Variants in MCL1 observed in about 807,000 individuals in gnomAD.
MCL1 encodes induced myeloid leukemia cell differentiation protein Mcl-1.
A neutral mutation model predicts 24.2 loss-of-function variants in MCL1; 4 were observed. The ratio of observed to expected loss-of-function variants is 0.17; its 90% CI spans 0.08 to 0.38. The LOEUF is 0.38. MCL1 is among the 10% of genes least tolerant of loss of function. The pLI is 1.00. For missense variants in MCL1, 529 were observed against 480.3 expected (o/e 1.10, Z -0.95); for synonymous variants, 248 against 214.0 (o/e 1.16, Z -1.39).
intron 2 of MCL1, 66 bp from the exon 3 acceptor site, chr1:150,577,557 C>T: frequency 7.0e-7 from 1 of 1,436,220 alleles, no homozygotes; most frequent in Non-Finnish European, 9.3e-7. Context: ...ACACTACTAT[C>T]CAGAGAGAAG....
In MCL1 at chr1:150,574,574, A is replaced by G. The variant is rs1570977876; in HGVS notation, c.*2801T>C. On this transcript the variant is annotated 3_prime_UTR_variant, in exon 3 of 3. Transcript: ENST00000369026. ...CACCCTGTATTTGAATAAAAGATTT[A>G]TTTTTTTTTCTCAGGAAAAACAGAA... 1.3e-5 allele frequency: 3 copies of G among 225,560 alleles called. No individual in the cohort carries two copies. The highest frequency in any genetic ancestry group is 2.6e-5 in the Non-Finnish European group (3 of 113,330). 14.0% of individuals were successfully genotyped at this position (225,560 alleles called of 1,614,324 possible).
At position 150,578,931 on chromosome 1, in the gene MCL1, G is replaced by A. The variant is rs781025299; in HGVS notation, c.600C>T (p.Gly200=). 4 of 1,613,756 alleles carry A rather than the reference G, an allele frequency of 2.5e-6. No homozygotes were observed. Among genetic ancestry groups the A allele is most frequent in the Non-Finnish European group, 3.4e-6 (4 of 1,180,020 alleles). ...ATGAKDTKPM[G]RSGATSRKAL... ...CCTTCCTGCTGGTGGCCCCAGACCT[G>A]CCCATTGGCTTTGTGTCCTTGGCGC... is the stretch of plus-strand genomic sequence containing the variant. Residue 200 remains glycine, a synonymous_variant, in exon 1 of 3, where the codon GGC becomes GGT. Transcript: ENST00000369026.
rs1248858792 is a variant in MCL1, at chr1:150,575,721, AG to A, written c.*1653del. 5 of 232,990 alleles carry A rather than the reference AG, an allele frequency of 2.1e-5. No homozygotes were observed. Among genetic ancestry groups the A allele is most frequent in the Non-Finnish European group, 3.4e-5 (4 of 118,004 alleles). 14.4% of individuals were successfully genotyped at this position (232,990 alleles called of 1,614,324 possible). ...GTCTGTGGACTCTTGGTGGGGAGGG[AG>A]GGTCACTCAGGTTTCCAGCAGGGGT... On this transcript the variant is annotated 3_prime_UTR_variant, in exon 3 of 3. Transcript: ENST00000369026.
rs1647843861 is a variant in MCL1 at position 150,577,186 on chromosome 1, C to T, written c.*189G>A. ...ACTTTGCTTCTTTCAGACAGTGACT[C>T]TTCAATCAATGGGGAGCACTCTTCC... On this transcript the variant is annotated 3_prime_UTR_variant, in exon 3 of 3. Coordinates refer to ENST00000369026, the MANE Select transcript of MCL1 (RefSeq NM_021960.5). 1.5e-6 allele frequency: 1 copy of T among 652,338 alleles called. No homozygotes were observed. The highest frequency in any genetic ancestry group is 2.5e-6 in the Non-Finnish European group (1 of 400,672). The allele number at this position is 652,338 out of a possible 1,614,324, so 40.4% of individuals were successfully genotyped here.
At chr1:150,578,714 G>T in intron 1 of MCL1, 129 bp downstream of exon 1, 1 of 1,112,990 alleles carries the variant, frequency 9.0e-7, no homozygotes. Flanking sequence ...GAATATTCTG[G>T]CTTCAGGAAT....
Position 150,576,175 on chromosome 1 carries a change from G to A in MCL1, c.*1200C>T, listed in dbSNP as rs1647790921. 8.6e-6 allele frequency: 2 copies of A among 233,118 alleles called. No individual in the cohort carries two copies. The highest frequency in any genetic ancestry group is 1.8e-4 in the South Asian group (1 of 5,522). The allele number at this position is 233,118 out of a possible 1,614,324, so 14.4% of individuals were successfully genotyped here. A position where few individuals can be genotyped will look rare whatever the true frequency, so the allele number is the denominator to read the frequency against. On this transcript the variant is annotated 3_prime_UTR_variant, in exon 3 of 3. Coordinates refer to ENST00000369026, the MANE Select transcript of MCL1 (RefSeq NM_021960.5). Reference sequence around the variant, plus strand: ...CACAGCTAATGAGTTCCATTCAGCTGAAAATCTTTTAGTAAAAGCTTTAAA... The same window carrying A: ...CACAGCTAATGAGTTCCATTCAGCTAAAAATCTTTTAGTAAAAGCTTTAAA...
chr1:150,576,868 C>G lies in MCL1; in HGVS notation c.*507G>C, dbSNP rs1380408650. Reference sequence around the variant, plus strand: ...ACACTTGGACTTTCTAAGAAGTATACTGGGAAAGCTAATTAGAGAGAGGAA... The same window carrying G: ...ACACTTGGACTTTCTAAGAAGTATAGTGGGAAAGCTAATTAGAGAGAGGAA... On this transcript the variant is annotated 3_prime_UTR_variant, in exon 3 of 3. Coordinates refer to ENST00000369026, the MANE Select transcript of MCL1 (RefSeq NM_021960.5). The G allele has an allele frequency of 8.6e-6, 2 of 233,290 alleles. No individual in the cohort carries two copies. The highest frequency in any genetic ancestry group is 4.4e-5 in the African/African-American group (2 of 45,308). 14.5% of individuals were successfully genotyped at this position (233,290 alleles called of 1,614,324 possible). A position where few individuals can be genotyped will look rare whatever the true frequency, so the allele number is the denominator to read the frequency against.
In MCL1 at chr1:150,575,840, G is replaced by A. The variant is rs749275603; in HGVS notation, c.*1535C>T. 8.6e-6 allele frequency: 2 copies of A among 233,376 alleles called. No individual in the cohort carries two copies. Among genetic ancestry groups the A allele is most frequent in the African/African-American group, 2.2e-5 (1 of 45,412 alleles). 14.5% of individuals were successfully genotyped at this position (233,376 alleles called of 1,614,324 possible). On this transcript the variant is annotated 3_prime_UTR_variant, in exon 3 of 3. Transcript: ENST00000369026. ...GATATAAATATCTGTAGAGGGAGCA[G>A]AACAATCAGCAATTTCAAGGAAGGA...
chr1:150,577,228 T>A lies in MCL1; in HGVS notation c.*147A>T. ...CACTCTTCCCATGTATTTATTCTTG[T>A]TAGCCATAATCCTCTTGCCACTTGC... On this transcript the variant is annotated 3_prime_UTR_variant, in exon 3 of 3. Coordinates refer to ENST00000369026, the MANE Select transcript of MCL1 (RefSeq NM_021960.5). 1.0e-6 allele frequency: 1 copy of A among 958,966 alleles called. No individual in the cohort carries two copies. The highest frequency in any genetic ancestry group is 2.5e-5 in the East Asian group (1 of 39,372). 59.4% of individuals were successfully genotyped at this position (958,966 alleles called of 1,614,324 possible).
chr1:150,578,837 C>A lies in MCL1; in HGVS notation c.688+6G>T. 6.2e-7 allele frequency: 1 copy of A among 1,609,724 alleles called. No homozygotes were observed. The highest frequency in any genetic ancestry group is 8.5e-7 in the Non-Finnish European group (1 of 1,176,926). ...TGAGGCCTTGGCGATTAATGAACCCCCTTACCTTGGAAGGCCGTCTCGTGG... is the reference window on the plus strand; with the variant it reads ...TGAGGCCTTGGCGATTAATGAACCCACTTACCTTGGAAGGCCGTCTCGTGG... On this transcript the variant is annotated splice_donor_region_variant and intron_variant, in intron 1 of 2. Transcript: ENST00000369026.
chr1:150,575,284 A>G lies in MCL1; in HGVS notation c.*2091T>C, dbSNP rs1344837658. The stretch of plus-strand genomic sequence containing the variant: ...GCAGGCAGGGCAGTTCTTCCCCATT[A>G]CATTCTTAGTCATCTTATTCATACC... On this transcript the variant is annotated 3_prime_UTR_variant, in exon 3 of 3. Transcript: ENST00000369026. The G allele has an allele frequency of 4.3e-6, 1 of 233,234 alleles. No individual in the cohort carries two copies. The highest frequency in any genetic ancestry group is 2.2e-5 in the African/African-American group (1 of 45,328). The allele number at this position is 233,234 out of a possible 1,614,324, so 14.4% of individuals were successfully genotyped here.
rs749347699 is a variant in MCL1 at position 150,579,155 on chromosome 1, G to C, written c.376C>G (p.Leu126Val). 6.2e-7 allele frequency: 1 copy of C among 1,611,100 alleles called. No homozygotes were observed. Among genetic ancestry groups the C allele is most frequent in the South Asian group, 1.1e-5 (1 of 91,066 alleles). The change falls in exon 1 of 3, where the codon CTG (leucine) becomes GTG (valine). Residue 126 changes from leucine (L) to valine (V), a missense_variant. Leu to Val is a conservative substitution (Grantham distance 32). Coordinates refer to ENST00000369026, the MANE Select transcript of MCL1 (RefSeq NM_021960.5). ...AGAGGCTCCGGCTCGTACCCGTCCA[G>C]CTCCTCTTCGGGCGACATGATGGCG... Reference protein sequence around the residue: ...ADAIMSPEEELDGYEPEPLGK... With the variant: ...ADAIMSPEEEVDGYEPEPLGK...
rs1267652025 is a variant in MCL1 at position 150,579,403 on chromosome 1, G to C, written c.128C>G (p.Ser43Trp). 3.2e-6 allele frequency: 5 copies of C among 1,567,078 alleles called. No individual in the cohort carries two copies. The East Asian group carries it at 9.8e-5, about 31-fold the overall frequency. Residue 43 changes from serine (S) to tryptophan (W), a missense_variant, in exon 1 of 3, where the codon TCG (serine) becomes TGG (tryptophan). Physicochemically the swap from Ser to Trp is radical, Grantham distance 177. Coordinates refer to ENST00000369026, the MANE Select transcript of MCL1 (RefSeq NM_021960.5). Reference protein sequence around the residue: ...GRLLATEKEASARREIGGGEA... With the variant: ...GRLLATEKEAWARREIGGGEA... Reference sequence around the variant, plus strand: ...CCCTCCCCCTATCTCTCGCCGGGCCGAGGCCTCCTTCTCCGTAGCCAAAAG... The same window carrying C: ...CCCTCCCCCTATCTCTCGCCGGGCCCAGGCCTCCTTCTCCGTAGCCAAAAG...
intron 1 of MCL1, 138 bp from the exon 2 acceptor site, chr1:150,578,629 A>T (rs1270602426): frequency 3.5e-6 from 4 of 1,151,614 alleles, no homozygotes; most frequent in African/African-American, 1.5e-5. Context: ...TTGACATCCC[A>T]CCCTTTCCGG....
In MCL1 at chr1:150,577,324, T is replaced by TTGGTGGTGG. The variant is rs34100999; in HGVS notation, c.*42_*50dup. ...TGGAGTCCAACTGCATAAACTGGTT[T>TTGGTGGTGG]TGGTGGTGGTGGTGGTTGGTTAAAA... On this transcript the variant is annotated 3_prime_UTR_variant, in exon 3 of 3. Transcript: ENST00000369026. The TTGGTGGTGG allele has an allele frequency of 2.5e-6, 4 of 1,599,190 alleles. No individual in the cohort carries two copies. The African/African-American group carries it at 5.4e-5, about 22-fold the overall frequency.
intron 2 of MCL1, 114 bp downstream of exon 2, chr1:150,578,130 G>T: frequency 8.7e-7 from 1 of 1,143,892 alleles, no homozygotes; most frequent in Non-Finnish European, 1.3e-6. Flanking sequence ...CCTTTAGTTA[G>T]AGCCTGCAAA....
In MCL1 at chr1:150,576,944, T is replaced by C; in HGVS notation, c.*431A>G. 1 of 254,084 alleles carries C rather than the reference T, an allele frequency of 3.9e-6. No individual in the cohort carries two copies. Among genetic ancestry groups the C allele is most frequent in the Admixed American group, 4.9e-5 (1 of 20,410 alleles). The allele number at this position is 254,084 out of a possible 1,614,324, so 15.7% of individuals were successfully genotyped here. ...CTTACAGTCATAGTTCTATTACTTG[T>C]AACTTTTACACAGGTCACTGGCATT... is the stretch of plus-strand genomic sequence containing the variant. On this transcript the variant is annotated 3_prime_UTR_variant, in exon 3 of 3. Coordinates refer to ENST00000369026, the MANE Select transcript of MCL1 (RefSeq NM_021960.5).
rs1045546748 is a variant in MCL1, at chr1:150,575,962, T to C, written c.*1413A>G. 3 of 233,592 alleles carry C rather than the reference T, an allele frequency of 1.3e-5. No individual in the cohort carries two copies. Among genetic ancestry groups the C allele is most frequent in the Admixed American group, 5.6e-5 (1 of 17,776 alleles). 14.5% of individuals were successfully genotyped at this position (233,592 alleles called of 1,614,324 possible). On this transcript the variant is annotated 3_prime_UTR_variant, in exon 3 of 3. Transcript: ENST00000369026. ...TGCAACAAGGTTTGGGAATCATTAA[T>C]AGAAACAAAACAGTAAGTATTTGCT...
rs587699059 is a variant in MCL1, at chr1:150,577,664, A to G, written c.937-173T>C. Among the ~76,000 whole-genome samples, 4 of 152,330 alleles carry G rather than the reference A, an allele frequency of 2.6e-5. No homozygotes were observed. The East Asian group carries it at 5.8e-4, about 22-fold the overall frequency. On this transcript the variant is annotated intron_variant, in intron 2 of 2. Transcript: ENST00000369026. ...AAGAAAATAAGTTCTTCAGTTTCTT[A>G]AGCGGGGACCCATGATAATTAAACT...
Sources: allele counts gnomAD v4.1 joint callset (sites outside exome capture counted in the v4.1 genomes callset), GRCh38; gene constraint gnomAD v4.1.1; transcripts MANE v1.5; gene names NCBI Gene and HGNC (gene_info 2026-07-23, HGNC 2026-07-21).